The following PCDH15 variants were observed in gnomAD, a reference collection of about 807,000 sequenced individuals.
The protein encoded by PCDH15 is protocadherin related 15.
Under a neutral mutation model 178.5 loss-of-function variants are expected in PCDH15, and 129 were observed. The ratio of observed to expected loss-of-function variants is 0.72; its 90% confidence interval spans 0.63 to 0.84. The LOEUF (loss-of-function observed/expected upper bound fraction) is 0.84, where lower values mean the gene tolerates loss of function less well. Among genes scored for constraint, PCDH15 ranks in the 40% least tolerant of loss-of-function variants. PCDH15 has a pLI of 0.00. For synonymous variants in PCDH15, 800 were observed against 732.0 expected (o/e 1.09, Z -1.50); for missense variants, 2,230 against 2,099.9 (o/e 1.06, Z -1.21).
intron 2 of PCDH15, among the ~76,000 whole-genome samples, chr10:55,565,087 G>A (rs924323937): frequency 1.3e-5 from 2 of 151,574 alleles, no homozygotes; most frequent in African/African-American, 2.4e-5. Flanking sequence ...TTTCCAGGAC[G>A]GATTATGTGT....
chr10:54,762,885 A>G (rs1239198638), intron 1 of PCDH15, among the ~76,000 whole-genome samples: 1 of 152,156 alleles, frequency 6.6e-6, no homozygotes, highest in Non-Finnish European at 1.5e-5. Context: ...ATTGTGAAAC[A>G]CATATTTTAT....
intron 8 of PCDH15, among the ~76,000 whole-genome samples, chr10:54,310,442 G>A (rs903665315): frequency 1.3e-5 from 2 of 152,050 alleles, no homozygotes; most frequent in African/African-American, 4.8e-5. Context: ...AGGTAATGCA[G>A]AAAATGGCTT....
intron 20 of PCDH15, among the ~76,000 whole-genome samples, chr10:54,013,291 G>T (rs1342371370): frequency 6.6e-6 from 1 of 152,254 alleles, no homozygotes; most frequent in African/African-American, 2.4e-5. Flanking sequence ...AAGAGACTTC[G>T]ATTTCCACAC....
Position 54,124,474 on chromosome 10 carries a change from C to T in PCDH15, c.1917+8401G>A, listed in dbSNP as rs575164947. On this transcript the variant is annotated intron_variant, in intron 15 of 37. Coordinates refer to ENST00000644397, the MANE Select transcript of PCDH15 (RefSeq NM_001384140.1). ...CAAAGATGGTTATAATGGTAAGTAT[C>T]GTGTTCCATATTTTTATTACAACTA... is the stretch of plus-strand genomic sequence containing the variant. 1.9e-3 allele frequency among the ~76,000 whole-genome samples: 282 copies of T among 151,998 alleles called. 2 individuals carry two copies. The highest frequency in any genetic ancestry group is 3.1e-3 in the Non-Finnish European group (210 of 67,976).
At chr10:55,611,442 A>C (rs999702261) in intron 2 of PCDH15, among the ~76,000 whole-genome samples, 1 of 152,082 alleles carries the variant, frequency 6.6e-6, no homozygotes, top group Non-Finnish European at 1.5e-5. Flanking sequence ...AGGAAATGCA[A>C]ATTAAAATGA....
intron 25 of PCDH15, among the ~76,000 whole-genome samples, chr10:53,916,343 ATTT>A (rs1014996439): frequency 2.6e-5 from 4 of 152,132 alleles, no homozygotes; most frequent in African/African-American, 9.7e-5. Flanking sequence ...CCATTTTAAC[ATTT>A]TTTTCCTCCT....
At chr10:54,000,953 C>G (rs2092104239) in intron 20 of PCDH15, among the ~76,000 whole-genome samples, 1 of 152,028 alleles carries the variant, frequency 6.6e-6, no homozygotes. Context: ...AGAAAAGAAA[C>G]AAATAACATA....
At chr10:55,307,531 C>G (rs914550819) in intron 1 of PCDH15, among the ~76,000 whole-genome samples, 6 of 151,612 alleles carry the variant, frequency 4.0e-5, no homozygotes, top group Non-Finnish European at 8.8e-5. Context: ...ATTATATTTT[C>G]TTTCCCAAAA....
At chr10:54,098,189 G>T (rs1039358278) in intron 15 of PCDH15, among the ~76,000 whole-genome samples, 1 of 115,900 alleles carries the variant, frequency 8.6e-6, no homozygotes, top group Non-Finnish European at 1.7e-5. Flanking sequence ...AGAAAATAAA[G>T]TTGTGTGTGT....
chr10:54,354,237 G>A (rs901907716), intron 5 of PCDH15, among the ~76,000 whole-genome samples: 3 of 152,064 alleles, frequency 2.0e-5, no homozygotes, highest in African/African-American at 7.2e-5. Context: ...CGCCTGCCTC[G>A]GCCTTCCAAA....
chr10:53,886,004 G>A (rs2081067590), intron 26 of PCDH15, among the ~76,000 whole-genome samples: 1 of 152,104 alleles, frequency 6.6e-6, no homozygotes, highest in Non-Finnish European at 1.5e-5. Context: ...ATGGCTGTGT[G>A]TTCAATAAAA....
chr10:54,215,003 A>G (rs2051854865), intron 9 of PCDH15, among the ~76,000 whole-genome samples: 1 of 152,248 alleles, frequency 6.6e-6, no homozygotes, highest in Non-Finnish European at 1.5e-5. Context: ...TCCCAAAATG[A>G]AGAAGTCAAA....
intron 2 of PCDH15, among the ~76,000 whole-genome samples, chr10:55,531,323 T>C (rs1841450270): frequency 6.6e-6 from 1 of 151,994 alleles, no homozygotes; most frequent in South Asian, 2.1e-4. Flanking sequence ...TTATATCAAA[T>C]CTACTTGAAT....
intron 26 of PCDH15, among the ~76,000 whole-genome samples, chr10:53,895,706 A>C: frequency 6.6e-6 from 1 of 152,234 alleles, no homozygotes; most frequent in East Asian, 1.9e-4. Flanking sequence ...TGGAAAAATT[A>C]GTTAACAATT....
intron 3 of PCDH15, among the ~76,000 whole-genome samples, chr10:54,464,174 C>G (rs2077373534): frequency 6.6e-6 from 1 of 152,052 alleles, no homozygotes; most frequent in Non-Finnish European, 1.5e-5. Flanking sequence ...CTGGGAACAC[C>G]CTATTTGTGC....
intron 21 of PCDH15, among the ~76,000 whole-genome samples, chr10:53,985,433 G>C (rs1051608935): frequency 2.0e-5 from 3 of 152,176 alleles, no homozygotes; most frequent in East Asian, 1.9e-4. Context: ...GCATTGTCTT[G>C]AATGCTTTTA....
At chr10:54,283,542 A>G (rs984072987) in intron 8 of PCDH15, among the ~76,000 whole-genome samples, 2 of 152,116 alleles carry the variant, frequency 1.3e-5, no homozygotes, top group South Asian at 2.1e-4. Context: ...AGCTAGCTAG[A>G]TAGATATAGA....
rs75208155 is a variant in PCDH15 at position 53,816,873 on chromosome 10, G to A, written c.4453-596C>T. Among the ~76,000 whole-genome samples, 319 of 152,266 alleles carry A rather than the reference G, an allele frequency of 2.1e-3. 2 individuals carry two copies. Among genetic ancestry groups the A allele is most frequent in the African/African-American group, 7.4e-3 (309 of 41,558 alleles). Reference sequence around the variant, plus strand: ...AGTCATTAATTATCAGATTTGGTAGGAATTGCTTCCTGCCTCTTCCTTCTT... The same window carrying A: ...AGTCATTAATTATCAGATTTGGTAGAAATTGCTTCCTGCCTCTTCCTTCTT... On this transcript the variant is annotated intron_variant, in intron 34 of 37. Transcript: ENST00000644397.
At chr10:54,997,684 CTTTAAG>C (rs1462099291) in intron 2 of PCDH15, among the ~76,000 whole-genome samples, 1 of 151,994 alleles carries the variant, frequency 6.6e-6, no homozygotes, top group African/African-American at 2.4e-5. Context: ...ATGTATTTAA[CTTTAAG>C]TTTGTTACTA....
Sources: allele counts gnomAD v4.1 joint callset (sites outside exome capture counted in the v4.1 genomes callset), GRCh38; gene constraint gnomAD v4.1.1; transcripts MANE v1.5; gene names NCBI Gene and HGNC (gene_info 2026-07-23, HGNC 2026-07-21).